The following GNA12 variants were observed in gnomAD, a reference collection of about 807,000 sequenced individuals.
GNA12 encodes the protein guanine nucleotide-binding protein subunit alpha-12.
GNA12 carries 9 observed loss-of-function variants against 26.0 expected under a neutral mutation model. That is an observed-to-expected ratio of 0.35 (90% CI 0.21 to 0.60). GNA12 has a LOEUF of 0.60. Among genes scored for constraint, GNA12 ranks in the 20% least tolerant of loss-of-function variants. The pLI, the probability that GNA12 is intolerant of heterozygous loss-of-function variation, is 0.78. For missense variants in GNA12, 405 were observed against 525.8 expected, an observed-to-expected ratio of 0.77 and a Z score of 2.25; for synonymous variants, 264 against 219.6, an observed-to-expected ratio of 1.20 and a Z score of -1.79.
intron 2 of GNA12, among the ~76,000 whole-genome samples, chr7:2,736,907 A>G (rs1019746016): frequency 6.6e-6 from 1 of 152,220 alleles, no homozygotes; most frequent in African/African-American, 2.4e-5. Flanking sequence ...AAAGAGCTTC[A>G]GATCATTCAA....
intron 2 of GNA12, among the ~76,000 whole-genome samples, chr7:2,780,046 GTGTACATATATATA>G (rs1472135084): frequency 0.011 from 952 of 85,830 alleles, 40 homozygotes; most frequent in Middle Eastern, 0.092. Flanking sequence ...ACACATTTCT[GTGTACATATATATA>G]TATATATATA....
intron 2 of GNA12, among the ~76,000 whole-genome samples, chr7:2,794,504 G>T (rs1407265664): frequency 6.6e-6 from 1 of 152,144 alleles, no homozygotes; most frequent in Non-Finnish European, 1.5e-5. Context: ...AATCTGAAGG[G>T]AACAACTGGG....
chr7:2,814,357 C>T, intron 1 of GNA12: 1 of 1,604,964 alleles, frequency 6.2e-7, no homozygotes, highest in South Asian at 1.1e-5. Context: ...AACGGCAGCA[C>T]TTTCGGTTTC....
intron 1 of GNA12, among the ~76,000 whole-genome samples, chr7:2,817,558 A>G (rs548386057): frequency 8.5e-5 from 13 of 152,302 alleles, no homozygotes; most frequent in African/African-American, 2.4e-4. Context: ...CTGTGGAGAC[A>G]TTATATATTT....
chr7:2,802,999 C>A (rs1298840769), intron 1 of GNA12, among the ~76,000 whole-genome samples: 2 of 152,192 alleles, frequency 1.3e-5, no homozygotes, highest in Non-Finnish European at 1.5e-5. Flanking sequence ...CGTACGGGAT[C>A]AGGCCTATTA....
At chr7:2,815,703 T>C (rs2283784) in intron 1 of GNA12, among the ~76,000 whole-genome samples, 64,919 of 151,998 alleles carry the variant, frequency 0.43, 14,095 homozygotes, top group Admixed American at 0.48. Flanking sequence ...TGGTGCTCCC[T>C]GGAGCCTGGT....
chr7:2,753,791 C>A (rs984722009), intron 2 of GNA12, among the ~76,000 whole-genome samples: 2 of 152,112 alleles, frequency 1.3e-5, no homozygotes, highest in Non-Finnish European at 1.5e-5. Flanking sequence ...TACTCCTGTG[C>A]CATAAGTTTT....
At chr7:2,842,198 T>C (rs1779016579) in intron 1 of GNA12, among the ~76,000 whole-genome samples, 1 of 150,092 alleles carries the variant, frequency 6.7e-6, no homozygotes, top group South Asian at 2.1e-4. Flanking sequence ...GCTATCTAGG[T>C]GTAAGCAAGG....
chr7:2,843,999 G>C lies in GNA12; in HGVS notation c.163C>G (p.Arg55Gly). The C allele has an allele frequency of 6.5e-7, 1 of 1,547,860 alleles. No homozygotes were observed. Among genetic ancestry groups the C allele is most frequent in the Non-Finnish European group, 8.7e-7 (1 of 1,148,380 alleles). The change falls in exon 1 of 4, where the codon CGG becomes GGG. Residue 55 changes from arginine (R) to glycine (G), a missense_variant. By Grantham distance (125) the Arg-to-Gly change is moderately radical. Coordinates refer to ENST00000275364, the MANE Select transcript of GNA12 (RefSeq NM_007353.3). ...ALLARERRAV[R>G]RLVKILLLGA... is the part of the protein sequence containing the mutation. ...AGCAGCAGGATCTTCACCAGGCGCC[G>C]GACCGCGCGCCGCTCGCGGGCCAGC...
At position 2,731,416 on chromosome 7, in the gene GNA12, T is replaced by G; in HGVS notation, c.911A>C (p.Lys304Thr). ...CTTCTTGATGCTCACGGTCTTCACC[T>G]TCTCCACCAGGAGGTCCATCTTGTT... ...FLNKMDLLVE[K>T]VKTVSIKKHF... The change falls in exon 4 of 4, where the codon AAG (lysine) becomes ACG (threonine). Residue 304 changes from lysine to threonine, a missense_variant. Coordinates refer to ENST00000275364, the MANE Select transcript of GNA12 (RefSeq NM_007353.3). The surrounding 1 kb of genome is among the most constrained non-coding windows in gnomAD (Gnocchi z 6.0). 1 of 1,613,336 alleles carries G rather than the reference T, an allele frequency of 6.2e-7. No individual in the cohort carries two copies. Among genetic ancestry groups the G allele is most frequent in the Non-Finnish European group, 8.5e-7 (1 of 1,179,458 alleles).
rs144217177 is a variant in GNA12, at chr7:2,771,615, T to C, written c.525+23313A>G. On this transcript the variant is annotated intron_variant, in intron 2 of 3. Coordinates refer to ENST00000275364, the MANE Select transcript of GNA12 (RefSeq NM_007353.3). ...ACAATTCTTTCCAGATTCGCCCATA[T>C]GCTGCAGGTTACCAGGTGCTCCCTT... is the stretch of plus-strand genomic sequence containing the variant. 2.9e-3 allele frequency among the ~76,000 whole-genome samples: 437 copies of C among 152,284 alleles called. 2 individuals carry two copies. Among genetic ancestry groups the C allele is most frequent in the Middle Eastern group, 0.01 (3 of 294 alleles).
chr7:2,782,170 C>G (rs758134156), intron 2 of GNA12, among the ~76,000 whole-genome samples: 26 of 152,132 alleles, frequency 1.7e-4, no homozygotes, highest in Non-Finnish European at 3.4e-4. Flanking sequence ...TTACCAAAAA[C>G]CTAAATAGAA....
chr7:2,770,060 A>G (rs982574623), intron 2 of GNA12, among the ~76,000 whole-genome samples: 1 of 152,228 alleles, frequency 6.6e-6, no homozygotes, highest in Admixed American at 6.5e-5. Flanking sequence ...CTAAGATTCA[A>G]TTCAAGCTAT....
At chr7:2,749,349 T>A (rs1032304214) in intron 2 of GNA12, among the ~76,000 whole-genome samples, 2 of 152,162 alleles carry the variant, frequency 1.3e-5, no homozygotes, top group African/African-American at 2.4e-5. Flanking sequence ...TGATGAGTTC[T>A]TGTCCTTTGT....
intron 2 of GNA12, among the ~76,000 whole-genome samples, chr7:2,735,834 T>A (rs957202255): frequency 6.6e-6 from 1 of 152,136 alleles, no homozygotes; most frequent in Non-Finnish European, 1.5e-5. Context: ...GTGGGAAAGC[T>A]GCCACTGAAC....
intron 2 of GNA12, among the ~76,000 whole-genome samples, chr7:2,779,472 T>A (rs1562423802): frequency 6.6e-6 from 1 of 151,484 alleles, no homozygotes; most frequent in Non-Finnish European, 1.5e-5. Flanking sequence ...ATCACGCTAC[T>A]ACACTCCAGC....
intron 2 of GNA12, among the ~76,000 whole-genome samples, chr7:2,750,505 T>A (rs1275510698): frequency 6.6e-6 from 1 of 152,230 alleles, no homozygotes; most frequent in African/African-American, 2.4e-5. Flanking sequence ...CACATGTACC[T>A]ATGGTCAAGT....
At chr7:2,749,501 G>C (rs958786173) in intron 2 of GNA12, among the ~76,000 whole-genome samples, 1 of 149,424 alleles carries the variant, frequency 6.7e-6, no homozygotes, top group Non-Finnish European at 1.5e-5. Context: ...TCACACACCG[G>C]GGACTATTGT....
At chr7:2,837,079 G>A (rs1182612451) in intron 1 of GNA12, among the ~76,000 whole-genome samples, 3 of 152,210 alleles carry the variant, frequency 2.0e-5, no homozygotes, top group African/African-American at 4.8e-5. Context: ...AGTGCTGGCA[G>A]GGCCAAGCAG....
Sources: gnomAD v4.1 joint callset for allele counts (sites outside exome capture counted in the v4.1 genomes callset) on GRCh38, gnomAD v4.1.1 for gene constraint, Gnocchi (gnomAD v3.1) non-coding constraint, MANE v1.5 for transcripts, NCBI Gene and HGNC (gene_info 2026-07-23, HGNC 2026-07-21) for gene names.